The following BCAS3 variants were observed in gnomAD, a reference collection of about 807,000 sequenced individuals.
The protein encoded by BCAS3 is BCAS3 microtubule associated cell migration factor.
A neutral mutation model predicts 116.1 loss-of-function variants in BCAS3; 53 were observed. That is an observed-to-expected ratio of 0.46 (90% CI 0.37 to 0.57). The LOEUF (loss-of-function observed/expected upper bound fraction) is 0.57, where lower values mean the gene tolerates loss of function less well. Ranked by LOEUF, BCAS3 falls within the 20% of genes least tolerant of loss-of-function variation. The probability of loss-of-function intolerance (pLI) is 0.00; values close to 1 mark genes in which losing one functional copy is unlikely to be tolerated. For missense variants in BCAS3, 917 were observed against 1,165.4 expected, an observed-to-expected ratio of 0.79 and a Z score of 3.10; for synonymous variants, 391 against 408.2, an observed-to-expected ratio of 0.96 and a Z score of 0.51.
chr17:61,127,414 A>T (rs2076101025), intron 22 of BCAS3, among the ~76,000 whole-genome samples: 1 of 152,016 alleles, frequency 6.6e-6, no homozygotes, highest in Non-Finnish European at 1.5e-5. Flanking sequence ...GGATAAGGGG[A>T]CACTGGACAT....
intron 4 of BCAS3, among the ~76,000 whole-genome samples, chr17:60,697,700 G>A (rs2035789289): frequency 6.6e-6 from 1 of 152,058 alleles, no homozygotes; most frequent in South Asian, 2.1e-4. Context: ...TAAGGAGGGA[G>A]AGTATACTGA....
At chr17:61,207,556 A>C (rs1463479420) in intron 22 of BCAS3, among the ~76,000 whole-genome samples, 1 of 152,006 alleles carries the variant, frequency 6.6e-6, no homozygotes, top group Non-Finnish European at 1.5e-5. Flanking sequence ...TATTCTGTGA[A>C]GGTATTATCA....
intron 22 of BCAS3, among the ~76,000 whole-genome samples, chr17:61,113,962 A>G (rs1193610249): frequency 6.9e-6 from 1 of 144,264 alleles, no homozygotes; most frequent in Non-Finnish European, 1.5e-5. Flanking sequence ...GTAATCCAGC[A>G]TATAAACAGA....
chr17:60,861,038 G>A (rs1350572333), intron 7 of BCAS3, among the ~76,000 whole-genome samples: 1 of 152,060 alleles, frequency 6.6e-6, no homozygotes, highest in Non-Finnish European at 1.5e-5. Flanking sequence ...AATGCCTTTG[G>A]TAGTTTGATA....
chr17:60,850,346 T>C (rs12936170), intron 7 of BCAS3, among the ~76,000 whole-genome samples: 8 of 85,210 alleles, frequency 9.4e-5, no homozygotes, highest in African/African-American at 1.8e-4. Context: ...GGCACCACTG[T>C]TTTTTTTTTT....
chr17:61,103,616 C>G (rs924217158), intron 22 of BCAS3, among the ~76,000 whole-genome samples: 4 of 152,180 alleles, frequency 2.6e-5, no homozygotes, highest in Admixed American at 6.5e-5. Flanking sequence ...TGCAGAGGAA[C>G]AGATCACTCT....
Position 61,322,964 on chromosome 17 carries a change from T to A in BCAS3, c.2426-45363T>A, listed in dbSNP as rs556078400. On this transcript the variant is annotated intron_variant, in intron 22 of 23. Coordinates refer to ENST00000407086, the MANE Select transcript of BCAS3 (RefSeq NM_017679.5). The stretch of plus-strand genomic sequence containing the variant: ...AGCACCCTGGGGTGAGGACTTTATA[T>A]CTTTTTCTGAAAACAAGGCGCCTTC... Among the ~76,000 whole-genome samples the A allele has an allele frequency of 2.0e-5, 3 of 152,172 alleles. No individual in the cohort carries two copies. In the East Asian group the frequency reaches 5.8e-4, roughly 29 times the overall value.
At position 61,126,113 on chromosome 17, in the gene BCAS3, T is replaced by C. The variant is rs1291106555; in HGVS notation, c.2425+41549T>C. On this transcript the variant is annotated intron_variant, in intron 22 of 23. Transcript: ENST00000407086. This position sits in a 1 kb window ranked among gnomAD's most constrained non-coding sequence, Gnocchi z 4.6. ...TGAATCTTTTGCTTTTTACTTAAGA[T>C]TACTTTATCCTTAAAACTAATGTTT... Among the ~76,000 whole-genome samples the C allele has an allele frequency of 1.3e-5, 2 of 152,176 alleles. No homozygotes were observed. Among genetic ancestry groups the C allele is most frequent in the Non-Finnish European group, 2.9e-5 (2 of 68,020 alleles).
intron 7 of BCAS3, among the ~76,000 whole-genome samples, chr17:60,862,138 C>A (rs1334668810): frequency 6.6e-6 from 1 of 152,108 alleles, no homozygotes; most frequent in Non-Finnish European, 1.5e-5. Context: ...AAAAAATTAG[C>A]CGGGCATGGT....
chr17:60,911,376 G>A (rs1029413269), intron 12 of BCAS3, among the ~76,000 whole-genome samples: 1 of 152,108 alleles, frequency 6.6e-6, no homozygotes, highest in Non-Finnish European at 1.5e-5. Context: ...TTGGCTCACT[G>A]AAACCTCCAC....
chr17:60,753,592 G>A (rs913453825), intron 6 of BCAS3, among the ~76,000 whole-genome samples: 1 of 104,756 alleles, frequency 9.5e-6, no homozygotes, highest in African/African-American at 2.6e-5. Context: ...TGTATTTTTA[G>A]TAGGGACGGG....
In BCAS3 at chr17:61,118,848, A is replaced by G. The variant is rs1042391052; in HGVS notation, c.2425+34284A>G. Among the ~76,000 whole-genome samples the G allele has an allele frequency of 1.1e-4, 16 of 152,160 alleles. No homozygotes were observed. The highest frequency in any genetic ancestry group is 3.9e-4 in the African/African-American group (16 of 41,420). The stretch of plus-strand genomic sequence containing the variant: ...CAGGATTCTGGTGCTGATATTTGAA[A>G]TAGATATTGTTTTTTGCCTAATCTG... On this transcript the variant is annotated intron_variant, in intron 22 of 23. Transcript: ENST00000407086. The surrounding 1 kb of genome is among the most constrained non-coding windows in gnomAD (Gnocchi z 5.0).
At chr17:60,892,949 G>A (rs762779736) in intron 10 of BCAS3, among the ~76,000 whole-genome samples, 15 of 151,896 alleles carry the variant, frequency 9.9e-5, no homozygotes, top group Admixed American at 2.6e-4. Flanking sequence ...ATAAAAAGTC[G>A]TTTTCACTGG....
chr17:60,738,425 T>G (rs2041196355), intron 5 of BCAS3, among the ~76,000 whole-genome samples: 1 of 152,230 alleles, frequency 6.6e-6, no homozygotes, highest in Non-Finnish European at 1.5e-5. Flanking sequence ...CTTCTTGGGG[T>G]ATTGACCCCT....
intron 22 of BCAS3, among the ~76,000 whole-genome samples, chr17:61,191,047 G>A (rs990606255): frequency 6.6e-6 from 1 of 152,162 alleles, no homozygotes; most frequent in Non-Finnish European, 1.5e-5. Context: ...TCCAGCCTGG[G>A]TGACAGAGCA....
intron 23 of BCAS3, among the ~76,000 whole-genome samples, chr17:61,371,867 A>T (rs990763479): frequency 6.6e-6 from 1 of 152,214 alleles, no homozygotes; most frequent in Non-Finnish European, 1.5e-5. Context: ...AAGTTTGAGA[A>T]GGTCAGTTTT....
At chr17:60,721,488 C>G (rs1473698723) in intron 5 of BCAS3, among the ~76,000 whole-genome samples, 4 of 152,154 alleles carry the variant, frequency 2.6e-5, no homozygotes, top group African/African-American at 9.7e-5. Context: ...ACTCTTGCAT[C>G]TGAAACTTAA....
chr17:61,127,732 A>T (rs2076120674), intron 22 of BCAS3, among the ~76,000 whole-genome samples: 2 of 149,126 alleles, frequency 1.3e-5, no homozygotes, highest in African/African-American at 5.0e-5. Flanking sequence ...AATGTCTGTC[A>T]TCATTGGTAA....
chr17:60,709,033 A>G (rs1474853581), intron 4 of BCAS3, among the ~76,000 whole-genome samples, 186 bp from the exon 5 acceptor site: 3 of 152,184 alleles, frequency 2.0e-5, no homozygotes, highest in Admixed American at 1.3e-4. Flanking sequence ...GGGCCAAGGA[A>G]TGACAGATAT....
Sources: gnomAD v4.1 joint callset for allele counts (sites outside exome capture counted in the v4.1 genomes callset) on GRCh38, gnomAD v4.1.1 for gene constraint, Gnocchi (gnomAD v3.1) non-coding constraint, MANE v1.5 for transcripts, NCBI Gene and HGNC (gene_info 2026-07-23, HGNC 2026-07-21) for gene names.